The following ARHGEF4 variants were observed in gnomAD, a reference collection of about 807,000 sequenced individuals.
The protein encoded by ARHGEF4 is Rho guanine nucleotide exchange factor 4, also known as APC-stimulated guanine nucleotide exchange factor 1.
Under a neutral mutation model 162.0 loss-of-function variants are expected in ARHGEF4, and 119 were observed. The ratio of observed to expected loss-of-function variants is 0.73; its 90% confidence interval spans 0.63 to 0.86. ARHGEF4 has a LOEUF of 0.86. Among genes scored for constraint, ARHGEF4 ranks in the 40% least tolerant of loss-of-function variants. The pLI, the probability that ARHGEF4 is intolerant of heterozygous loss-of-function variation, is 0.00. For missense variants in ARHGEF4, 2,488 were observed against 2,456.0 expected (o/e 1.01, Z -0.28); for synonymous variants, 1,014 against 979.9 (o/e 1.03, Z -0.65).
At chr2:130,940,531 G>A (rs1447638642) in intron 3 of ARHGEF4, among the ~76,000 whole-genome samples, 3 of 151,532 alleles carry the variant, frequency 2.0e-5, no homozygotes, top group South Asian at 2.1e-4. Flanking sequence ...TCCTGACCTC[G>A]GATGGTAGTA....
chr2:130,995,438 T>C (rs950800702), intron 4 of ARHGEF4, among the ~76,000 whole-genome samples: 1 of 152,208 alleles, frequency 6.6e-6, no homozygotes, highest in Non-Finnish European at 1.5e-5. Context: ...GCGAGTATAT[T>C]AGTGCTAACG....
chr2:130,908,697 T>TAA (rs1223582907), intron 1 of ARHGEF4, among the ~76,000 whole-genome samples: 2 of 148,192 alleles, frequency 1.3e-5, no homozygotes, highest in African/African-American at 5.0e-5. Context: ...TAATAAAATT[T>TAA]AAAAAAAAAA....
In ARHGEF4 at chr2:130,914,518, G is replaced by A; in HGVS notation, c.572G>A (p.Ser191Asn). Residue 191 changes from serine (S) to asparagine (N), a missense_variant, in exon 2 of 14, where the codon AGC (serine) becomes AAC (asparagine). Coordinates refer to ENST00000409359, the MANE Select transcript of ARHGEF4 (RefSeq NM_001367493.1). The stretch of plus-strand genomic sequence containing the variant: ...TGCTGCTTACAGAGGGCCACAGACA[G>A]CAGTGGTCCTGAGCCAGTACAGGGG... ...TGCCLQRATD[S>N]SGPEPVQGVA... 1 of 1,427,718 alleles carries A rather than the reference G, an allele frequency of 7.0e-7. No individual in the cohort carries two copies. The highest frequency in any genetic ancestry group is 9.1e-7 in the Non-Finnish European group (1 of 1,096,654). 88.4% of individuals were successfully genotyped at this position (1,427,718 alleles called of 1,614,324 possible). A position where few individuals can be genotyped will look rare whatever the true frequency, so the allele number is the denominator to read the frequency against.
chr2:130,942,152 C>T (rs372844101), intron 3 of ARHGEF4, among the ~76,000 whole-genome samples: 69 of 129,742 alleles, frequency 5.3e-4, no homozygotes, highest in Non-Finnish European at 5.6e-4. Context: ...TTTCTTTTTT[C>T]TTTTTTTTTT....
At chr2:130,860,505 G>A (rs1386072138) in intron 1 of ARHGEF4, among the ~76,000 whole-genome samples, 17 of 82,182 alleles carry the variant, frequency 2.1e-4, no homozygotes, top group African/African-American at 1.6e-4. Flanking sequence ...TCAGGAGATC[G>A]AGACCATCCT....
intron 4 of ARHGEF4, among the ~76,000 whole-genome samples, chr2:130,992,095 T>C (rs1687029581): frequency 6.6e-6 from 1 of 152,126 alleles, no homozygotes; most frequent in Admixed American, 6.5e-5. Context: ...TGGAGAACCT[T>C]TGTGTCCATA....
chr2:131,005,364 G>C (rs1438438261), intron 4 of ARHGEF4, among the ~76,000 whole-genome samples: 4 of 152,114 alleles, frequency 2.6e-5, no homozygotes, highest in Non-Finnish European at 5.9e-5. Context: ...GATGACATGG[G>C]GTGTCCCACA....
intron 4 of ARHGEF4, among the ~76,000 whole-genome samples, chr2:130,963,141 AC>A (rs1417144514): frequency 6.6e-6 from 1 of 151,896 alleles, no homozygotes; most frequent in Non-Finnish European, 1.5e-5. Flanking sequence ...TCGTGTGTGA[AC>A]TCTTGCACTG....
chr2:130,894,918 A>C (rs1680069923), intron 1 of ARHGEF4, among the ~76,000 whole-genome samples: 2 of 152,128 alleles, frequency 1.3e-5, no homozygotes, highest in Admixed American at 1.3e-4. Flanking sequence ...TACATCAGGG[A>C]TATTTTTTTC....
chr2:131,046,355 C>G lies in ARHGEF4; in HGVS notation c.*166C>G. Reference sequence around the variant, plus strand: ...CGTGCCAGGTCTGTACTCCTGTTGTCTTTTTCCCTGCTCCTGGTGCCCTGA... The same window carrying G: ...CGTGCCAGGTCTGTACTCCTGTTGTGTTTTTCCCTGCTCCTGGTGCCCTGA... On this transcript the variant is annotated 3_prime_UTR_variant, in exon 14 of 14. Transcript: ENST00000409359. The G allele has an allele frequency of 1.4e-6, 1 of 709,162 alleles. No individual in the cohort carries two copies. The allele number at this position is 709,162 out of a possible 1,614,324, so 43.9% of individuals were successfully genotyped here.
At position 130,917,184 on chromosome 2, in the gene ARHGEF4, T is replaced by G. The variant is rs1188713476; in HGVS notation, c.3238T>G (p.Tyr1080Asp). The change falls in exon 2 of 14, where the codon TAT (tyrosine) becomes GAT (aspartate). Residue 1080 changes from tyrosine to aspartate, a missense_variant. By Grantham distance (160) the Tyr-to-Asp change is radical. Around this residue, in one of 6 missense-constraint regions of ARHGEF4, gnomAD observed 1,642 missense variants for 1,481.5 expected, o/e 1.11. Coordinates refer to ENST00000409359, the MANE Select transcript of ARHGEF4 (RefSeq NM_001367493.1). ...LPSSSACCLA[Y>D]ENPGTPCRPT... is the part of the protein sequence containing the mutation. ...TTCCAGCTCTGCCTGCTGCCTGGCATATGAAAACCCCGGGACGCCCTGCAG... is the reference window on the plus strand; with the variant it reads ...TTCCAGCTCTGCCTGCTGCCTGGCAGATGAAAACCCCGGGACGCCCTGCAG... The G allele has an allele frequency of 6.5e-7, 1 of 1,550,190 alleles. No homozygotes were observed. The highest frequency in any genetic ancestry group is 1.4e-5 in the African/African-American group (1 of 72,932).
In ARHGEF4 at chr2:131,043,314, C is replaced by T. The variant is rs183604679; in HGVS notation, c.5026-138C>T. The T allele has an allele frequency of 3.8e-4, 442 of 1,159,330 alleles. 1 individual carries two copies. The East Asian group carries it at 0.01, about 27-fold the overall frequency. 71.8% of individuals were successfully genotyped at this position (1,159,330 alleles called of 1,614,324 possible). On this transcript the variant is annotated intron_variant, in intron 10 of 13. Coordinates refer to ENST00000409359, the MANE Select transcript of ARHGEF4 (RefSeq NM_001367493.1). ...GGCCAGACGTGCCACCTCTTCCTCC[C>T]CCTCCCACCATGGCCTGGCCAGGTG... is the stretch of plus-strand genomic sequence containing the variant.
chr2:130,878,044 A>C (rs1678965843), intron 1 of ARHGEF4, among the ~76,000 whole-genome samples: 1 of 152,194 alleles, frequency 6.6e-6, no homozygotes, highest in Non-Finnish European at 1.5e-5. Context: ...TCCTCCTCTC[A>C]GGAAGTTAAA....
chr2:131,033,073 G>A (rs10928506), intron 5 of ARHGEF4, among the ~76,000 whole-genome samples: 121,673 of 151,828 alleles, frequency 0.8, 50,908 homozygotes, highest in East Asian at 0.91. Context: ...GGCTGGTCTC[G>A]AACTCCTGAG....
intron 1 of ARHGEF4, among the ~76,000 whole-genome samples, chr2:130,877,145 C>T (rs553436496): frequency 1.6e-3 from 241 of 152,202 alleles, no homozygotes; most frequent in Non-Finnish European, 1.9e-3. Context: ...TGCGTAGAAG[C>T]GGTGCTCCCA....
intron 4 of ARHGEF4, among the ~76,000 whole-genome samples, chr2:130,989,659 C>T (rs1032743140): frequency 1.3e-5 from 2 of 152,206 alleles, no homozygotes; most frequent in African/African-American, 4.8e-5. Flanking sequence ...TTTTTGTTTT[C>T]TGTGCATTTA....
rs894269879 is a variant in ARHGEF4 at position 130,914,543 on chromosome 2, G to A, written c.597G>A (p.Gly199=). 3.5e-6 allele frequency: 5 copies of A among 1,415,090 alleles called. No homozygotes were observed. In the Admixed American group the frequency reaches 1.5e-4, roughly 44 times the overall value. 87.7% of individuals were successfully genotyped at this position (1,415,090 alleles called of 1,614,324 possible). A position where few individuals can be genotyped will look rare whatever the true frequency, so the allele number is the denominator to read the frequency against. The change falls in exon 2 of 14, where the codon GGG becomes GGA. Residue 199 remains glycine (G), a synonymous_variant. Coordinates refer to ENST00000409359, the MANE Select transcript of ARHGEF4 (RefSeq NM_001367493.1). ...GCAGTGGTCCTGAGCCAGTACAGGG[G>A]GTGGCTGTTCAAGACCTCAGAGGGC... ...TDSSGPEPVQ[G]VAVQDLRGLS...
intron 1 of ARHGEF4, chr2:130,837,461 C>T (rs904597038): frequency 2.1e-5 from 7 of 335,092 alleles, no homozygotes; most frequent in African/African-American, 1.6e-4. Flanking sequence ...TGTTATTCCC[C>T]AGGCTGAGAG....
chr2:130,897,672 A>G (rs1015556782), intron 1 of ARHGEF4, among the ~76,000 whole-genome samples: 2 of 151,992 alleles, frequency 1.3e-5, no homozygotes, highest in African/African-American at 4.8e-5. Flanking sequence ...GTTTGGTTGA[A>G]CTCATAGAGA....
Sources: gnomAD v4.1 joint callset for allele counts (sites outside exome capture counted in the v4.1 genomes callset) on GRCh38, gnomAD v4.1.1 for gene constraint, gnomAD v4.1.1 regional missense constraint, MANE v1.5 for transcripts, NCBI Gene and HGNC (gene_info 2026-07-23, HGNC 2026-07-21) for gene names.